The following TXNDC16 variants were observed in gnomAD, a reference collection of about 807,000 sequenced individuals.
The protein encoded by TXNDC16 is thioredoxin domain-containing protein 16.
Under a neutral mutation model 85.6 loss-of-function variants are expected in TXNDC16, and 74 were observed. The observed-to-expected ratio is 0.86, with a 90% CI of 0.72 to 1.05. The LOEUF (loss-of-function observed/expected upper bound fraction) is 1.05, where lower values mean the gene tolerates loss of function less well. Among genes scored for constraint, TXNDC16 ranks in the 50% least tolerant of loss-of-function variants. TXNDC16 has a pLI of 0.00. For missense variants in TXNDC16, 959 were observed against 947.0 expected, an observed-to-expected ratio of 1.01 and a Z score of -0.17; for synonymous variants, 335 against 326.5, an observed-to-expected ratio of 1.03 and a Z score of -0.28.
intron 9 of TXNDC16, among the ~76,000 whole-genome samples, chr14:52,507,007 A>C (rs1265823234): frequency 6.6e-6 from 1 of 152,058 alleles, no homozygotes; most frequent in African/African-American, 2.4e-5. Flanking sequence ...CTGGCACAAG[A>C]CAGGGATGCC....
chr14:52,524,629 C>A (rs1235858901), intron 6 of TXNDC16, among the ~76,000 whole-genome samples: 1 of 152,096 alleles, frequency 6.6e-6, no homozygotes, highest in Non-Finnish European at 1.5e-5. Flanking sequence ...GTAACTAGGA[C>A]AACAGGCACA....
At chr14:52,545,946 CTTTT>C (rs951671941) in intron 1 of TXNDC16, among the ~76,000 whole-genome samples, 18 of 149,102 alleles carry the variant, frequency 1.2e-4, no homozygotes, top group African/African-American at 4.4e-4. Context: ...TACTTGGTGA[CTTTT>C]TTTTTTCTTT....
At chr14:52,455,613 T>C (rs2035514903) in intron 17 of TXNDC16, 151 bp from the exon 18 acceptor site, 1 of 783,172 alleles carries the variant, frequency 1.3e-6, no homozygotes, top group African/African-American at 1.8e-5. Context: ...CAAACTTATC[T>C]TCTATGACAA....
chr14:52,526,945 T>G (rs2037349602), intron 6 of TXNDC16, among the ~76,000 whole-genome samples: 1 of 152,148 alleles, frequency 6.6e-6, no homozygotes, highest in African/African-American at 2.4e-5. Flanking sequence ...GATAGCAAAA[T>G]GCACAGAAGT....
chr14:52,509,600 A>G (rs1378623763), intron 9 of TXNDC16, among the ~76,000 whole-genome samples: 1 of 152,072 alleles, frequency 6.6e-6, no homozygotes, highest in Non-Finnish European at 1.5e-5. Flanking sequence ...TATGTAACAA[A>G]CCTGCATGTT....
chr14:52,489,091 AC>A (rs2036344025), intron 11 of TXNDC16, among the ~76,000 whole-genome samples: 1 of 152,150 alleles, frequency 6.6e-6, no homozygotes, highest in South Asian at 2.1e-4. Context: ...ACCAAGTTCT[AC>A]CTCTTTATAA....
At position 52,437,414 on chromosome 14, in the gene TXNDC16, A is replaced by C. The variant is rs1172758940; in HGVS notation, c.2194+1790T>G. Among the ~76,000 whole-genome samples the C allele has an allele frequency of 2.6e-5, 4 of 152,290 alleles. No homozygotes were observed. The East Asian group carries it at 7.7e-4, about 29-fold the overall frequency. On this transcript the variant is annotated intron_variant, in intron 20 of 20. Transcript: ENST00000281741. ...CTCACTCTTAACTCAAAAGATATTA[A>C]AGACTTAAATGTAAGAACTTAAATT...
intron 18 of TXNDC16, among the ~76,000 whole-genome samples, chr14:52,453,615 G>A (rs902590928): frequency 2.0e-5 from 3 of 152,160 alleles, no homozygotes; most frequent in East Asian, 3.8e-4. Flanking sequence ...TTATCTGTGG[G>A]AGCTAAAACT....
chr14:52,547,760 C>G (rs2037969598), intron 1 of TXNDC16, among the ~76,000 whole-genome samples: 1 of 152,294 alleles, frequency 6.6e-6, no homozygotes, highest in East Asian at 1.9e-4. Flanking sequence ...AAAGAGATGA[C>G]CACTGCTGGG....
intron 7 of TXNDC16, among the ~76,000 whole-genome samples, chr14:52,516,505 TG>T (rs746014709): frequency 3.9e-5 from 6 of 152,180 alleles, no homozygotes; most frequent in Non-Finnish European, 1.5e-5. Context: ...CTTTCCTCTC[TG>T]GAAGATTTTA....
chr14:52,533,792 G>C (rs2037637553), intron 6 of TXNDC16, among the ~76,000 whole-genome samples: 1 of 152,126 alleles, frequency 6.6e-6, no homozygotes, highest in Non-Finnish European at 1.5e-5. Flanking sequence ...TGGACCCATG[G>C]ACTTGAGGGA....
chr14:52,534,756 G>A (rs2037661279), intron 6 of TXNDC16, among the ~76,000 whole-genome samples: 1 of 152,130 alleles, frequency 6.6e-6, no homozygotes, highest in South Asian at 2.1e-4. Flanking sequence ...CTGTTTATCT[G>A]TCTGTGCAAC....
chr14:52,456,986 C>T, intron 17 of TXNDC16, 104 bp downstream of exon 17: 2 of 787,614 alleles, frequency 2.5e-6, no homozygotes, highest in Non-Finnish European at 4.1e-6. Context: ...CTTTAGATTG[C>T]TACCTTATTT....
At chr14:52,456,907 A>G (rs1229919102) in intron 17 of TXNDC16, among the ~76,000 whole-genome samples, 183 bp downstream of exon 17, 1 of 152,166 alleles carries the variant, frequency 6.6e-6, no homozygotes, top group Non-Finnish European at 1.5e-5. Flanking sequence ...GTCTAAAATA[A>G]AAGAATAGCT....
chr14:52,540,969 C>T (rs757627630), intron 4 of TXNDC16, among the ~76,000 whole-genome samples: 2 of 152,150 alleles, frequency 1.3e-5, no homozygotes, highest in Non-Finnish European at 2.9e-5. Context: ...GGTGCAGTGG[C>T]TCATGCCTGT....
At chr14:52,473,965 A>G (rs2035964452) in intron 14 of TXNDC16, among the ~76,000 whole-genome samples, 2 of 152,236 alleles carry the variant, frequency 1.3e-5, no homozygotes, top group African/African-American at 4.8e-5. Context: ...GTAATTACCT[A>G]TGCAATGCAT....
At chr14:52,464,367 C>A (rs895642979) in intron 16 of TXNDC16, among the ~76,000 whole-genome samples, 2 of 152,106 alleles carry the variant, frequency 1.3e-5, no homozygotes, top group Admixed American at 1.3e-4. Flanking sequence ...TACATAATTA[C>A]CCCCTACTGT....
chr14:52,543,425 CT>C lies in TXNDC16; in HGVS notation c.132del (p.Ala45ProfsTer3). The C allele has an allele frequency of 1.2e-6, 2 of 1,610,880 alleles. No individual in the cohort carries two copies. The highest frequency in any genetic ancestry group is 1.7e-6 in the Non-Finnish European group (2 of 1,178,924). On this transcript the variant is annotated frameshift_variant, in exon 3 of 21. Transcript: ENST00000281741. LOFTEE classifies it high-confidence loss of function. ...GCTTGACAAAAATAAGCTAAAGAGG[CT>C]TTTCCTGGTTGCAATGTACTAAAAT... ...QKYFSTLQPG[K>X]ASLAYFCQAD...
intron 4 of TXNDC16, among the ~76,000 whole-genome samples, chr14:52,539,718 AAGTAGTAGATGGATTACTTATGAG>A (rs2037786267): frequency 6.6e-6 from 1 of 152,236 alleles, no homozygotes; most frequent in South Asian, 2.1e-4. Flanking sequence ...TAGTAGAACC[AAGTAGTAGATGGATTACTTATGAG>A]AGAAAGAAAA....
Sources: gnomAD v4.1 joint callset for allele counts (sites outside exome capture counted in the v4.1 genomes callset) on GRCh38, gnomAD v4.1.1 for gene constraint, MANE v1.5 for transcripts, NCBI Gene and HGNC (gene_info 2026-07-23, HGNC 2026-07-21) for gene names.